SLC6A2: variants seen among roughly 807,000 people sequenced by gnomAD.
SLC6A2 encodes solute carrier family 6 member 2, also known as sodium-dependent noradrenaline transporter.
A neutral mutation model predicts 71.7 loss-of-function variants in SLC6A2; 26 were observed. The observed-to-expected ratio is 0.36, with a 90% CI of 0.27 to 0.50. SLC6A2 has a LOEUF of 0.50. SLC6A2 is among the 20% of genes least tolerant of loss of function. The pLI, the probability that SLC6A2 is intolerant of heterozygous loss-of-function variation, is 0.96. For synonymous variants in SLC6A2, 363 were observed against 337.9 expected (o/e 1.07, Z -0.82); for missense variants, 581 against 803.9 (o/e 0.72, Z 3.35).
At chr16:55,687,199 T>C (rs1220298127) in intron 5 of SLC6A2, among the ~76,000 whole-genome samples, 1 of 152,310 alleles carries the variant, frequency 6.6e-6, no homozygotes, top group Non-Finnish European at 1.5e-5. Context: ...TTTCATCACA[T>C]ACACTTTTCA....
intron 2 of SLC6A2, among the ~76,000 whole-genome samples, chr16:55,658,505 G>T (rs754916337): frequency 8.6e-5 from 13 of 151,692 alleles, no homozygotes; most frequent in Non-Finnish European, 1.5e-4. Context: ...GGGTGACAGA[G>T]CAAGACTCTG....
At chr16:55,692,738 G>A (rs1193409854) in intron 6 of SLC6A2, among the ~76,000 whole-genome samples, 1 of 152,188 alleles carries the variant, frequency 6.6e-6, no homozygotes, top group Non-Finnish European at 1.5e-5. Context: ...CAATTCTCCA[G>A]GGTTTCTTTA....
intron 2 of SLC6A2, among the ~76,000 whole-genome samples, chr16:55,668,808 G>C (rs1964822818): frequency 6.6e-6 from 1 of 152,200 alleles, no homozygotes; most frequent in Admixed American, 6.5e-5. Context: ...TCCCTGGTCA[G>C]AGACTTGAAC....
chr16:55,680,821 C>T (rs1228075400), intron 4 of SLC6A2, among the ~76,000 whole-genome samples: 10 of 152,050 alleles, frequency 6.6e-5, no homozygotes, highest in Admixed American at 6.5e-4. Context: ...CCAGACATGG[C>T]AACTGATTGC....
At chr16:55,677,576 G>C (rs1965131567) in intron 4 of SLC6A2, among the ~76,000 whole-genome samples, 1 of 152,144 alleles carries the variant, frequency 6.6e-6, no homozygotes, top group African/African-American at 2.4e-5. Flanking sequence ...CTTCCTCCAG[G>C]CTCAGCTATA....
At chr16:55,664,926 G>A (rs1184084266) in intron 2 of SLC6A2, among the ~76,000 whole-genome samples, 2 of 152,138 alleles carry the variant, frequency 1.3e-5, no homozygotes, top group Non-Finnish European at 1.5e-5. Flanking sequence ...ATACCCGGAC[G>A]GTGGAATTCC....
At position 55,698,491 on chromosome 16, in the gene SLC6A2, T is replaced by G. The variant is rs1292852828; in HGVS notation, c.1412T>G (p.Leu471Arg). Residue 471 changes from leucine to arginine, a missense_variant, in exon 11 of 15, where the codon CTC (leucine) becomes CGC (arginine). By Grantham distance (102) the Leu-to-Arg change is moderately radical. This residue lies in a region of SLC6A2 where 334 missense variants were observed against 449.0 expected (regional missense o/e 0.74). Coordinates refer to ENST00000568943, the MANE Select transcript of SLC6A2 (RefSeq NM_001172501.3). ...ITKGGIYVLT[L>R]LDTFAAGTSI... ...CAGGGTGGAATTTACGTCTTGACCCTCCTGGACACCTTTGCTGCGGGCACC... is the reference window on the plus strand; with the variant it reads ...CAGGGTGGAATTTACGTCTTGACCCGCCTGGACACCTTTGCTGCGGGCACC... 6.2e-7 allele frequency: 1 copy of G among 1,614,026 alleles called. No individual in the cohort carries two copies. Among genetic ancestry groups the G allele is most frequent in the South Asian group, 1.1e-5 (1 of 91,084 alleles).
chr16:55,695,584 G>A lies in SLC6A2; in HGVS notation c.1147+182G>A, dbSNP rs551807191. ...TTAGTGGGCATTCCAGGCAGTCACA[G>A]TCCCCATGCATGTAGGAGAACCTTC... On this transcript the variant is annotated intron_variant, in intron 8 of 14. Coordinates refer to ENST00000568943, the MANE Select transcript of SLC6A2 (RefSeq NM_001172501.3). Among the ~76,000 whole-genome samples the A allele has an allele frequency of 2.6e-5, 4 of 152,318 alleles. No individual in the cohort carries two copies. The East Asian group carries it at 7.7e-4, about 29-fold the overall frequency.
chr16:55,661,600 T>C lies in SLC6A2; in HGVS notation c.274+4632T>C, dbSNP rs142865948. Among the ~76,000 whole-genome samples, 465 of 152,340 alleles carry C rather than the reference T, an allele frequency of 3.1e-3. 5 individuals carry two copies. In the South Asian group the frequency reaches 0.047, roughly 15 times the overall value. On this transcript the variant is annotated intron_variant, in intron 2 of 14. Transcript: ENST00000568943. ...ATTTTGGAAGTAGCAGAATTCATCC[T>C]AAGATGAAATTGATAAAAGGAAATA... is the stretch of plus-strand genomic sequence containing the variant.
rs1321668512 is a variant in SLC6A2 at position 55,685,995 on chromosome 16, C to T, written c.783+714C>T. 3.9e-5 allele frequency among the ~76,000 whole-genome samples: 6 copies of T among 152,296 alleles called. No individual in the cohort carries two copies. The East Asian group carries it at 7.7e-4, about 20-fold the overall frequency. On this transcript the variant is annotated intron_variant, in intron 5 of 14. Transcript: ENST00000568943. Reference sequence around the variant, plus strand: ...GAACAACAACCCCATTTGGACTCTACAGGGTCTATTTAGAAGCTTGACTAT... The same window carrying T: ...GAACAACAACCCCATTTGGACTCTATAGGGTCTATTTAGAAGCTTGACTAT...
intron 4 of SLC6A2, 140 bp from the exon 5 acceptor site, chr16:55,685,003 G>T: frequency 2.5e-6 from 2 of 805,544 alleles, no homozygotes; most frequent in Non-Finnish European, 4.1e-6. Flanking sequence ...CATGGCAGTG[G>T]CTAGGGTCCC....
Position 55,681,900 on chromosome 16 carries a change from A to ATTTGT in SLC6A2, c.645-3224_645-3220dup, listed in dbSNP as rs561274401. Among the ~76,000 whole-genome samples, 735 of 152,156 alleles carry ATTTGT rather than the reference A, an allele frequency of 4.8e-3. 11 individuals are homozygous for ATTTGT. The highest frequency in any genetic ancestry group is 0.016 in the African/African-American group (683 of 41,540). ...GTTTGCCTTTAACACTTTAGTGTAA[A>ATTTGT]TTTGTTTTGTTTTGTTTTGTTTTTG... On this transcript the variant is annotated intron_variant, in intron 4 of 14. Transcript: ENST00000568943.
intron 2 of SLC6A2, among the ~76,000 whole-genome samples, chr16:55,657,999 G>A (rs1307507123): frequency 1.3e-5 from 2 of 152,092 alleles, no homozygotes; most frequent in Non-Finnish European, 2.9e-5. Flanking sequence ...TTGGAGAAGG[G>A]GGACCCAGCT....
intron 4 of SLC6A2, among the ~76,000 whole-genome samples, chr16:55,680,894 A>G (rs550156352): frequency 9.9e-5 from 15 of 152,176 alleles, no homozygotes; most frequent in Middle Eastern, 3.4e-3. Context: ...AGCTGCAGGG[A>G]TGGGAGCCAT....
chr16:55,699,605 G>C lies in SLC6A2; in HGVS notation c.1541G>C (p.Gly514Ala). The C allele has an allele frequency of 1.9e-6, 3 of 1,614,178 alleles. No homozygotes were observed. Among genetic ancestry groups the C allele is most frequent in the Non-Finnish European group, 2.5e-6 (3 of 1,180,018 alleles). Residue 514 changes from glycine (G) to alanine (A), a missense_variant, in exon 12 of 15, where the codon GGT becomes GCT. Coordinates refer to ENST00000568943, the MANE Select transcript of SLC6A2 (RefSeq NM_001172501.3). ...DIQQMMGFRPGLYWRLCWKFV... is the reference protein window; with the variant it reads ...DIQQMMGFRPALYWRLCWKFV... ...CAGCAGATGATGGGGTTCAGGCCGGGTCTATACTGGAGACTGTGCTGGAAG... is the reference window on the plus strand; with the variant it reads ...CAGCAGATGATGGGGTTCAGGCCGGCTCTATACTGGAGACTGTGCTGGAAG...
At chr16:55,692,518 C>G (rs548980073) in intron 6 of SLC6A2, among the ~76,000 whole-genome samples, 58 of 152,336 alleles carry the variant, frequency 3.8e-4, no homozygotes, top group African/African-American at 1.3e-3. Context: ...CCCCAACACC[C>G]TCATCCAACC....
rs546180444 is a variant in SLC6A2 at position 55,672,398 on chromosome 16, G to C, written c.644+223G>C. ...GGGGCAGGGAAGTGGAGGCGGGCAA[G>C]ATAATACACAAATAAACAGGTAAGG... On this transcript the variant is annotated intron_variant, in intron 4 of 14. Transcript: ENST00000568943. Among the ~76,000 whole-genome samples, 10 of 152,302 alleles carry C rather than the reference G, an allele frequency of 6.6e-5. No individual in the cohort carries two copies. In the East Asian group the frequency reaches 1.9e-3, roughly 29 times the overall value.
rs774945540 is a variant in SLC6A2, at chr16:55,695,259, A to T, written c.1023-19A>T. 3.7e-6 allele frequency: 6 copies of T among 1,614,042 alleles called. No homozygotes were observed. Among genetic ancestry groups the T allele is most frequent in the Non-Finnish European group, 3.4e-6 (4 of 1,179,972 alleles). On this transcript the variant is annotated intron_variant, in intron 7 of 14. Transcript: ENST00000568943. ...TGAGGGTGTCAAGGGACTTGACCTC[A>T]CTGTGCTTCTTCCCCCAGGGATGCC...
Position 55,702,584 on chromosome 16 carries a change from T to G in SLC6A2, c.*238T>G. 1 of 1,429,960 alleles carries G rather than the reference T, an allele frequency of 7.0e-7. No individual in the cohort carries two copies. 88.6% of individuals were successfully genotyped at this position (1,429,960 alleles called of 1,614,324 possible). ...GAGCAAACAGGAAAATGACTTCTGT[T>G]CTGTCCCCGCTGTTTTGGGGGAAGT... On this transcript the variant is annotated 3_prime_UTR_variant, in exon 15 of 15. Coordinates refer to ENST00000568943, the MANE Select transcript of SLC6A2 (RefSeq NM_001172501.3).
Sources: gnomAD v4.1 joint callset for allele counts (sites outside exome capture counted in the v4.1 genomes callset) on GRCh38, gnomAD v4.1.1 for gene constraint, gnomAD v4.1.1 regional missense constraint, MANE v1.5 for transcripts, NCBI Gene and HGNC (gene_info 2026-07-23, HGNC 2026-07-21) for gene names.